C3orf33: variants seen among roughly 807,000 people sequenced by gnomAD.
The protein encoded by C3orf33 is AP-1 activity suppressor.
A neutral mutation model predicts 28.7 loss-of-function variants in C3orf33; 23 were observed. The ratio of observed to expected loss-of-function variants is 0.80; its 90% CI spans 0.58 to 1.13. The LOEUF is 1.13. Among genes scored for constraint, C3orf33 ranks in the 50% most tolerant of loss-of-function variants. The pLI, the probability that C3orf33 is intolerant of heterozygous loss-of-function variation, is 0.00. For synonymous variants in C3orf33, 119 were observed against 120.5 expected (o/e 0.99, Z 0.08); for missense variants, 327 against 353.4 (o/e 0.93, Z 0.60).
chr3:155,800,428 G>A (rs1751606679), intron 2 of C3orf33, among the ~76,000 whole-genome samples: 1 of 151,338 alleles, frequency 6.6e-6, no homozygotes, highest in Admixed American at 6.6e-5. Context: ...GCACAAAGAG[G>A]CGCCATTGCT....
At chr3:155,799,506 T>C (rs1751577855) in intron 2 of C3orf33, among the ~76,000 whole-genome samples, 1 of 151,906 alleles carries the variant, frequency 6.6e-6, no homozygotes. Flanking sequence ...CTGGGTAACA[T>C]GGCAAAACCC....
rs144276465 is a variant in C3orf33, at chr3:155,784,174, C to T, written c.175-8326G>A. Among the ~76,000 whole-genome samples the T allele has an allele frequency of 9.2e-4, 140 of 152,200 alleles. 1 individual carries two copies. The highest frequency in any genetic ancestry group is 3.2e-3 in the African/African-American group (133 of 41,546). ...AGAACTCCCAACCTCAGGTGATCCT[C>T]CTGCCTCAGCCTCCCAAAGTGCTGG... On this transcript the variant is annotated intron_variant, in intron 2 of 4. Coordinates refer to ENST00000340171, the MANE Select transcript of C3orf33 (RefSeq NM_001308229.2).
At chr3:155,796,450 G>A (rs1751478488) in intron 2 of C3orf33, among the ~76,000 whole-genome samples, 1 of 152,054 alleles carries the variant, frequency 6.6e-6, no homozygotes, top group Non-Finnish European at 1.5e-5. Flanking sequence ...GTAACATGAA[G>A]AAATCCAAAA....
chr3:155,773,970 T>C (rs911538854), intron 3 of C3orf33, among the ~76,000 whole-genome samples: 2 of 152,184 alleles, frequency 1.3e-5, no homozygotes, highest in Non-Finnish European at 2.9e-5. Context: ...TGGTATCAAG[T>C]ATGTTTGGGG....
In C3orf33 at chr3:155,800,313, A is replaced by C. The variant is rs184527205; in HGVS notation, c.174+2219T>G. ...ACTCTCAACAGAGATTAGAAAAAGT[A>C]AACACATAGGTGGGGTGCAGTGGCT... On this transcript the variant is annotated intron_variant, in intron 2 of 4. Transcript: ENST00000340171. Among the ~76,000 whole-genome samples, 394 of 152,276 alleles carry C rather than the reference A, an allele frequency of 2.6e-3. 1 individual carries two copies. The highest frequency in any genetic ancestry group is 8.9e-3 in the African/African-American group (370 of 41,556).
chr3:155,795,290 T>C (rs1751443397), intron 2 of C3orf33, among the ~76,000 whole-genome samples: 1 of 152,062 alleles, frequency 6.6e-6, no homozygotes, highest in African/African-American at 2.4e-5. Context: ...ACCCTGTCTC[T>C]ACTAAAAATA....
chr3:155,806,208 C>A lies in C3orf33; in HGVS notation c.45G>T (p.Lys15Asn). The change falls in exon 1 of 5, where the codon AAG becomes AAT. Residue 15 changes from lysine (K) to asparagine (N), a missense_variant. Physicochemically the swap from Lys to Asn is moderately conservative, Grantham distance 94. Transcript: ENST00000340171. ...PAATGSPSAD[K>N]DGMEPNVVAR... ...CCACGACGTTGGGCTCCATTCCGTC[C>A]TTGTCGGCAGACGGCGAGCCGGTGG... The A allele has an allele frequency of 6.7e-7, 1 of 1,492,414 alleles. No homozygotes were observed. The highest frequency in any genetic ancestry group is 8.9e-7 in the Non-Finnish European group (1 of 1,121,870). 92.4% of individuals were successfully genotyped at this position (1,492,414 alleles called of 1,614,324 possible).
At chr3:155,786,078 GA>G (rs1275509946) in intron 2 of C3orf33, among the ~76,000 whole-genome samples, 1 of 149,738 alleles carries the variant, frequency 6.7e-6, no homozygotes, top group African/African-American at 2.5e-5. Context: ...GGAAGGAAAG[GA>G]AAAAGGGAAG....
At chr3:155,795,684 G>C (rs544079490) in intron 2 of C3orf33, among the ~76,000 whole-genome samples, 27 of 151,946 alleles carry the variant, frequency 1.8e-4, no homozygotes, top group Non-Finnish European at 3.5e-4. Context: ...GGCTGGGAGC[G>C]GTGGCTTACA....
At chr3:155,804,939 G>A (rs1210831714) in intron 1 of C3orf33, among the ~76,000 whole-genome samples, 4 of 152,094 alleles carry the variant, frequency 2.6e-5, no homozygotes, top group South Asian at 2.1e-4. Flanking sequence ...CTCCATGTAC[G>A]TGTCCAAAAA....
In C3orf33 at chr3:155,767,673, A is replaced by T; in HGVS notation, c.323-4T>A. On this transcript the variant is annotated splice_region_variant and splice_polypyrimidine_tract_variant and intron_variant, in intron 3 of 4. Coordinates refer to ENST00000340171, the MANE Select transcript of C3orf33 (RefSeq NM_001308229.2). ...AGCAAAGCACCACGTGGCTCTTCTA[A>T]AAAGGTTAGGTAGAAAAGAGTTTAG... is the stretch of plus-strand genomic sequence containing the variant. The T allele has an allele frequency of 1.3e-6, 2 of 1,532,070 alleles. No homozygotes were observed. Among genetic ancestry groups the T allele is most frequent in the Non-Finnish European group, 1.8e-6 (2 of 1,132,840 alleles). The allele number at this position is 1,532,070 out of a possible 1,614,324, so 94.9% of individuals were successfully genotyped here.
At chr3:155,793,814 AAAAAAAAAAAAAACT>A (rs945073938) in intron 2 of C3orf33, among the ~76,000 whole-genome samples, 6 of 143,236 alleles carry the variant, frequency 4.2e-5, no homozygotes, top group African/African-American at 1.6e-4. Flanking sequence ...TGACTCAAAA[AAAAAAAAAAAAAACT>A]AAAAAAACTA....
rs569643608 is a variant in C3orf33 at position 155,806,191 on chromosome 3, T to C, written c.62A>G (p.Asn21Ser). 1.9e-5 allele frequency: 28 copies of C among 1,503,884 alleles called. No individual in the cohort carries two copies. The highest frequency in any genetic ancestry group is 1.8e-4 in the Middle Eastern group (1 of 5,516). 93.2% of individuals were successfully genotyped at this position (1,503,884 alleles called of 1,614,324 possible). The change falls in exon 1 of 5, where the codon AAC becomes AGC. Residue 21 changes from asparagine (N) to serine (S), a missense_variant. Physicochemically the swap from Asn to Ser is conservative, Grantham distance 46. Transcript: ENST00000340171. Reference sequence around the variant, plus strand: ...CCACTGCGAGATCCGAGCCACGACGTTGGGCTCCATTCCGTCCTTGTCGGC... The same window carrying C: ...CCACTGCGAGATCCGAGCCACGACGCTGGGCTCCATTCCGTCCTTGTCGGC... ...PSADKDGMEPNVVARISQWAD... is the reference protein window; with the variant it reads ...PSADKDGMEPSVVARISQWAD...
chr3:155,771,246 C>T (rs377697309), intron 3 of C3orf33, among the ~76,000 whole-genome samples: 3 of 152,178 alleles, frequency 2.0e-5, no homozygotes, highest in South Asian at 4.1e-4. Context: ...ACCAGGGCAA[C>T]AGGCACACGC....
chr3:155,778,372 G>A (rs1217664014), intron 2 of C3orf33, among the ~76,000 whole-genome samples: 1 of 152,080 alleles, frequency 6.6e-6, no homozygotes, highest in Non-Finnish European at 1.5e-5. Context: ...TGGGTATGTA[G>A]GAAAAATCCT....
At chr3:155,777,906 T>A (rs574787382) in intron 2 of C3orf33, among the ~76,000 whole-genome samples, 2 of 151,996 alleles carry the variant, frequency 1.3e-5, no homozygotes, top group South Asian at 2.1e-4. Context: ...AATCCCAGCA[T>A]TTTGGGAGGC....
intron 1 of C3orf33, among the ~76,000 whole-genome samples, chr3:155,802,948 C>CTGATCGTAT (rs1751694951): frequency 6.6e-6 from 1 of 152,074 alleles, no homozygotes; most frequent in Non-Finnish European, 1.5e-5. Flanking sequence ...TTGTTCTCTA[C>CTGATCGTAT]TGATCGTATT....
intron 3 of C3orf33, among the ~76,000 whole-genome samples, chr3:155,775,465 G>T (rs1750712319): frequency 6.8e-6 from 1 of 146,666 alleles, no homozygotes; most frequent in Non-Finnish European, 1.5e-5. Context: ...CTCCAGCCTG[G>T]CAACAAAAGT....
At chr3:155,776,005 A>G (rs906992617) in intron 2 of C3orf33, among the ~76,000 whole-genome samples, 157 bp from the exon 3 acceptor site, 2 of 152,240 alleles carry the variant, frequency 1.3e-5, no homozygotes, top group African/African-American at 4.8e-5. Flanking sequence ...GATTTAATCA[A>G]AAGTGTTTAT....
Sources: allele counts gnomAD v4.1 joint callset (sites outside exome capture counted in the v4.1 genomes callset), GRCh38; gene constraint gnomAD v4.1.1; transcripts MANE v1.5; gene names NCBI Gene and HGNC (gene_info 2026-07-23, HGNC 2026-07-21).